Variants in MRAP2 observed in about 807,000 individuals in gnomAD.
MRAP2 encodes the protein melanocortin 2 receptor accessory protein 2.
In MRAP2, 20 loss-of-function variants were observed where a neutral mutation model predicts 17.4. The observed-to-expected ratio is 1.15, with a 90% confidence interval of 0.81 to 1.67. The LOEUF (loss-of-function observed/expected upper bound fraction) is 1.67, where lower values mean the gene tolerates loss of function less well. Ranked by LOEUF, MRAP2 falls within the 40% of genes most tolerant of loss-of-function variation. The pLI, the probability that MRAP2 is intolerant of heterozygous loss-of-function variation, is 0.00. For synonymous variants in MRAP2, 96 were observed against 88.4 expected (o/e 1.09, Z -0.48); for missense variants, 238 against 240.0 (o/e 0.99, Z 0.05).
intron 3 of MRAP2, among the ~76,000 whole-genome samples, chr6:84,079,236 A>G (rs2099498364): frequency 6.6e-6 from 1 of 152,172 alleles, no homozygotes; most frequent in Non-Finnish European, 1.5e-5. Flanking sequence ...AGGACAAACT[A>G]TTGTCATATG....
chr6:84,136,972 TCTC>T, the MRAP2 span, among the ~76,000 whole-genome samples: 3 of 152,188 alleles, frequency 2.0e-5, no homozygotes, highest in African/African-American at 7.2e-5. Context: ...AGTTTTGGGC[TCTC>T]CTGACCATGC....
At chr6:84,141,334 A>C in the MRAP2 span, among the ~76,000 whole-genome samples, 1 of 152,184 alleles carries the variant, frequency 6.6e-6, no homozygotes, top group Non-Finnish European at 1.5e-5. Flanking sequence ...AATTTAAAAG[A>C]GGGCATAAAA....
the MRAP2 span, among the ~76,000 whole-genome samples, chr6:84,098,095 G>T: frequency 6.6e-6 from 1 of 152,122 alleles, no homozygotes; most frequent in African/African-American, 2.4e-5. Context: ...AAATTATGAT[G>T]CCCTTTTATA....
the MRAP2 span, among the ~76,000 whole-genome samples, chr6:84,136,597 A>C: frequency 6.6e-6 from 1 of 152,038 alleles, no homozygotes; most frequent in Non-Finnish European, 1.5e-5. Context: ...CTGTTTGATT[A>C]TTTTTCTGTC....
chr6:84,088,915 C>T (rs935152181), intron 3 of MRAP2, among the ~76,000 whole-genome samples, 176 bp from the exon 4 acceptor site: 4 of 152,126 alleles, frequency 2.6e-5, no homozygotes, highest in Non-Finnish European at 4.4e-5. Flanking sequence ...TTTATCTGTA[C>T]ATACTCAGAA....
downstream of MRAP2, among the ~76,000 whole-genome samples, chr6:84,092,571 A>G (rs1248918858): frequency 6.6e-6 from 1 of 152,214 alleles, no homozygotes. Flanking sequence ...ACTAGAAAAT[A>G]AGTTATTTTC....
At chr6:84,091,356 G>A (rs1323605843), downstream of MRAP2, among the ~76,000 whole-genome samples, 3 of 148,426 alleles carry the variant, frequency 2.0e-5, no homozygotes, top group East Asian at 6.0e-4. Flanking sequence ...AGCTTCCCAA[G>A]TTGCTGGGAC....
At chr6:84,037,254 T>C (rs1050525802) in intron 1 of MRAP2, among the ~76,000 whole-genome samples, 7 of 151,004 alleles carry the variant, frequency 4.6e-5, no homozygotes, top group African/African-American at 1.7e-4. Flanking sequence ...GACATAAAAG[T>C]TCTCCAAGTC....
At chr6:84,144,013 T>C in the MRAP2 span, among the ~76,000 whole-genome samples, 2 of 152,014 alleles carry the variant, frequency 1.3e-5, no homozygotes, top group African/African-American at 4.8e-5. Context: ...AACTAAGTAT[T>C]GTTTCATAAT....
At chr6:84,072,934 A>G (rs2099496567) in intron 3 of MRAP2, among the ~76,000 whole-genome samples, 2 of 152,120 alleles carry the variant, frequency 1.3e-5, no homozygotes. Flanking sequence ...TGTCCCCACT[A>G]ACAGCCCCTA....
the MRAP2 span, among the ~76,000 whole-genome samples, chr6:84,118,570 A>C: frequency 6.6e-6 from 1 of 151,252 alleles, no homozygotes; most frequent in Non-Finnish European, 1.5e-5. Flanking sequence ...GCTTCCTCAG[A>C]CTGTTTGGAC....
At chr6:84,099,939 C>T in the MRAP2 span, among the ~76,000 whole-genome samples, 1 of 151,650 alleles carries the variant, frequency 6.6e-6, no homozygotes, top group Non-Finnish European at 1.5e-5. Flanking sequence ...TGGCTCATTG[C>T]AAACTCCACC....
chr6:84,120,822 A>G, the MRAP2 span, among the ~76,000 whole-genome samples: 1 of 152,144 alleles, frequency 6.6e-6, no homozygotes. Flanking sequence ...TCAATAAAAT[A>G]AATTATTTAT....
At chr6:84,075,196 C>A (rs575451395) in intron 3 of MRAP2, among the ~76,000 whole-genome samples, 211 of 152,224 alleles carry the variant, frequency 1.4e-3, no homozygotes, top group African/African-American at 4.8e-3. Flanking sequence ...ATTCTTCAGC[C>A]GGAAGCAGCA....
chr6:84,035,028 A>C (rs1049834126), intron 1 of MRAP2, among the ~76,000 whole-genome samples: 18 of 152,168 alleles, frequency 1.2e-4, no homozygotes, highest in African/African-American at 4.3e-4. Context: ...GGGTACCCAC[A>C]AGGAGTTTCG....
chr6:84,130,412 GA>G, the MRAP2 span, among the ~76,000 whole-genome samples: 10 of 152,128 alleles, frequency 6.6e-5, no homozygotes, highest in African/African-American at 2.2e-4. Context: ...CTATTGTGTG[GA>G]ATAGTTTCAG....
chr6:84,106,253 G>A, the MRAP2 span, among the ~76,000 whole-genome samples: 15 of 152,188 alleles, frequency 9.9e-5, no homozygotes, highest in Non-Finnish European at 2.1e-4. Flanking sequence ...AGTGCTTTGT[G>A]GAATACCATG....
chr6:84,144,949 T>A, the MRAP2 span, among the ~76,000 whole-genome samples: 112 of 152,278 alleles, frequency 7.4e-4, 3 homozygotes, highest in East Asian at 0.019. Context: ...AATATTTGCA[T>A]AAGTTCAGTA....
chr6:84,060,769 T>G (rs539182347), intron 2 of MRAP2, among the ~76,000 whole-genome samples: 183 of 151,354 alleles, frequency 1.2e-3, no homozygotes, highest in African/African-American at 4.3e-3. Context: ...CACTGCAAGC[T>G]CCACCTGCCG....
Sources: allele counts gnomAD v4.1 joint callset (sites outside exome capture counted in the v4.1 genomes callset), GRCh38; gene constraint gnomAD v4.1.1; transcripts MANE v1.5; gene names NCBI Gene and HGNC (gene_info 2026-07-23, HGNC 2026-07-21).